PCDH15: variants seen among roughly 807,000 people sequenced by gnomAD.
PCDH15 encodes the protein protocadherin related 15.
PCDH15 carries 129 observed loss-of-function variants against 178.5 expected under a neutral mutation model. That is an observed-to-expected ratio of 0.72 (90% confidence interval 0.63 to 0.84). The LOEUF is 0.84. Ranked by LOEUF, PCDH15 falls within the 40% of genes least tolerant of loss-of-function variation. The probability of loss-of-function intolerance (pLI) is 0.00; values close to 1 mark genes in which losing one functional copy is unlikely to be tolerated. For synonymous variants in PCDH15, 800 were observed against 732.0 expected (o/e 1.09, Z -1.50); for missense variants, 2,230 against 2,099.9 (o/e 1.06, Z -1.21).
intron 3 of PCDH15, among the ~76,000 whole-genome samples, chr10:54,449,820 G>A (rs1399357329): frequency 6.6e-6 from 1 of 151,634 alleles, no homozygotes; most frequent in Non-Finnish European, 1.5e-5. Context: ...TGGAGATTTT[G>A]GTATCTGTTG....
chr10:55,442,929 G>C (rs2132071439), intron 2 of PCDH15, among the ~76,000 whole-genome samples: 1 of 152,022 alleles, frequency 6.6e-6, no homozygotes, highest in South Asian at 2.1e-4. Flanking sequence ...AGATCAAGAG[G>C]AAAAAGATAT....
intron 2 of PCDH15, among the ~76,000 whole-genome samples, chr10:55,461,781 AT>A: frequency 6.6e-6 from 1 of 152,210 alleles, no homozygotes; most frequent in Admixed American, 6.5e-5. Context: ...TCTAGGACTT[AT>A]TTTTCAGCAT....
rs557864323 is a variant in PCDH15 at position 54,471,088 on chromosome 10, T to C, written c.157+56724A>G. ...ACTGATAATATATTCAATTAACATA[T>C]AATCATTCTGTATGTTACATGTATT... On this transcript the variant is annotated intron_variant, in intron 3 of 37. Coordinates refer to ENST00000644397, the MANE Select transcript of PCDH15 (RefSeq NM_001384140.1). 1.1e-4 allele frequency among the ~76,000 whole-genome samples: 16 copies of C among 152,312 alleles called. No homozygotes were observed. The East Asian group carries it at 3.1e-3, about 29-fold the overall frequency.
At chr10:54,419,265 C>T (rs1771980729) in intron 3 of PCDH15, among the ~76,000 whole-genome samples, 1 of 145,798 alleles carries the variant, frequency 6.9e-6, no homozygotes, top group African/African-American at 2.5e-5. Flanking sequence ...CACACATTCA[C>T]ACCTATATAT....
chr10:54,995,432 G>T (rs982939112), intron 2 of PCDH15, among the ~76,000 whole-genome samples: 1 of 149,576 alleles, frequency 6.7e-6, no homozygotes, highest in Admixed American at 6.7e-5. Context: ...TCTTACTTTA[G>T]AATATCATAA....
intron 2 of PCDH15, among the ~76,000 whole-genome samples, chr10:55,601,276 T>G (rs2132144789): frequency 6.6e-6 from 1 of 152,306 alleles, no homozygotes; most frequent in South Asian, 2.1e-4. Context: ...CCTAAGAAGT[T>G]AGGAAAAGTT....
chr10:55,187,279 A>G (rs999087688), intron 1 of PCDH15, among the ~76,000 whole-genome samples: 4 of 152,068 alleles, frequency 2.6e-5, no homozygotes, highest in African/African-American at 4.8e-5. Flanking sequence ...TAATTTTTTC[A>G]TATTGAAATG....
intron 5 of PCDH15, among the ~76,000 whole-genome samples, chr10:54,359,271 A>AAAAAAG (rs1554926925): frequency 6.6e-6 from 1 of 150,812 alleles, no homozygotes; most frequent in African/African-American, 2.5e-5. Context: ...AAAAACTAAA[A>AAAAAAG]AAAAACAAAA....
At chr10:54,900,746 G>T (rs998556945) in intron 2 of PCDH15, among the ~76,000 whole-genome samples, 5 of 152,162 alleles carry the variant, frequency 3.3e-5, no homozygotes, top group African/African-American at 9.7e-5. Flanking sequence ...TAGGAGCATA[G>T]TGTGGAAATT....
intron 1 of PCDH15, among the ~76,000 whole-genome samples, chr10:55,183,229 A>G (rs1839700581): frequency 6.6e-6 from 1 of 151,992 alleles, no homozygotes; most frequent in East Asian, 1.9e-4. Context: ...GTCCTTATGA[A>G]TGTCTCATTT....
intron 37 of PCDH15, among the ~76,000 whole-genome samples, chr10:53,809,825 AAAAG>A (rs535538286): frequency 6.6e-6 from 1 of 152,206 alleles, no homozygotes; most frequent in African/African-American, 2.4e-5. Flanking sequence ...GATCAAATAA[AAAAG>A]AAAGAATTAT....
intron 21 of PCDH15, among the ~76,000 whole-genome samples, chr10:53,981,833 C>T (rs2090668225): frequency 6.6e-6 from 1 of 151,474 alleles, no homozygotes; most frequent in East Asian, 1.9e-4. Flanking sequence ...TCTAATTAAA[C>T]TCAAGAGCTT....
At chr10:55,381,166 A>G (rs1182641149) in intron 2 of PCDH15, among the ~76,000 whole-genome samples, 1 of 152,146 alleles carries the variant, frequency 6.6e-6, no homozygotes, top group Non-Finnish European at 1.5e-5. Context: ...ATGACAATAA[A>G]GACAAGAGTT....
intron 27 of PCDH15, among the ~76,000 whole-genome samples, chr10:53,862,990 T>G (rs571401252): frequency 6.6e-6 from 1 of 152,284 alleles, no homozygotes; most frequent in East Asian, 1.9e-4. Context: ...TCAAAGTGAT[T>G]TGGTCATCAA....
At chr10:55,511,066 G>A (rs1840874419) in intron 2 of PCDH15, among the ~76,000 whole-genome samples, 1 of 150,238 alleles carries the variant, frequency 6.7e-6, no homozygotes, top group Non-Finnish European at 1.5e-5. Flanking sequence ...TTTTTTTAGA[G>A]ATACAGGTCT....
intron 2 of PCDH15, among the ~76,000 whole-genome samples, chr10:55,348,253 T>TA (rs1479542179): frequency 6.6e-6 from 1 of 152,154 alleles, no homozygotes; most frequent in Non-Finnish European, 1.5e-5. Flanking sequence ...AAAGGTTGAA[T>TA]AGACTCTTTT....
intron 1 of PCDH15, among the ~76,000 whole-genome samples, chr10:54,695,515 T>C (rs974516578): frequency 6.6e-6 from 1 of 152,160 alleles, no homozygotes; most frequent in African/African-American, 2.4e-5. Context: ...GCTAAGATCA[T>C]TGTTGAAGGT....
chr10:54,319,225 G>A (rs541965713), intron 7 of PCDH15, among the ~76,000 whole-genome samples: 1 of 152,074 alleles, frequency 6.6e-6, no homozygotes, highest in Admixed American at 6.6e-5. Flanking sequence ...AAGTATACTT[G>A]CATGCATGTT....
chr10:54,010,428 A>G (rs998587601), intron 20 of PCDH15, among the ~76,000 whole-genome samples: 3 of 152,100 alleles, frequency 2.0e-5, no homozygotes, highest in African/African-American at 7.2e-5. Flanking sequence ...GCTGCTCCAC[A>G]GTCCTCATTC....
Sources: gnomAD v4.1 joint callset for allele counts (sites outside exome capture counted in the v4.1 genomes callset) on GRCh38, gnomAD v4.1.1 for gene constraint, MANE v1.5 for transcripts, NCBI Gene and HGNC (gene_info 2026-07-23, HGNC 2026-07-21) for gene names.